Variants in CHORDC1 observed in about 807,000 individuals in gnomAD.
CHORDC1 encodes cysteine and histidine rich domain containing 1, also known as cysteine and histidine-rich domain-containing protein 1.
In CHORDC1, 25 loss-of-function variants were observed where a neutral mutation model predicts 48.3. That is an observed-to-expected ratio of 0.52 (90% CI 0.38 to 0.72). The LOEUF (loss-of-function observed/expected upper bound fraction) is 0.72. CHORDC1 is among the 30% of genes least tolerant of loss of function. The pLI is 0.00. For missense variants in CHORDC1, 317 were observed against 388.7 expected (o/e 0.82, Z 1.55); for synonymous variants, 128 against 126.4 (o/e 1.01, Z -0.09).
intron 2 of CHORDC1, among the ~76,000 whole-genome samples, chr11:90,216,933 G>T (rs553696947): frequency 6.6e-6 from 1 of 151,806 alleles, no homozygotes; most frequent in South Asian, 2.1e-4. Context: ...ACAGCATAGG[G>T]AAAAAAAGAA....
intron 2 of CHORDC1, chr11:90,217,895 C>CAA (rs71055891): frequency 1.7e-3 from 301 of 177,078 alleles, no homozygotes; most frequent in Middle Eastern, 3.9e-3. Flanking sequence ...AACTCCATCT[C>CAA]AAAAAAAAAA....
chr11:90,222,828 C>T, intron 1 of CHORDC1, 63 bp downstream of exon 1: 1 of 1,471,710 alleles, frequency 6.8e-7, no homozygotes, highest in African/African-American at 1.4e-5. Context: ...ACCCTCCGGC[C>T]CAAAGGGCCT....
intron 7 of CHORDC1, 22 bp downstream of exon 7, chr11:90,206,180 T>C (rs1857677206): frequency 7.5e-7 from 1 of 1,333,712 alleles, no homozygotes; most frequent in African/African-American, 1.4e-5. Flanking sequence ...TAAACTATTT[T>C]AATAAGTCAT....
chr11:90,206,221 C>T lies in CHORDC1; in HGVS notation c.544G>A (p.Val182Ile). 2 of 1,562,226 alleles carry T rather than the reference C, an allele frequency of 1.3e-6. No homozygotes were observed. The highest frequency in any genetic ancestry group is 1.8e-6 in the Non-Finnish European group (2 of 1,133,168). ...LEEVCVYHSG[V>I]PIFHEGMKYW... ...AGTTACCCCTCATGGAAAATAGGTA[C>T]TCCAGAATGATATACACAGACTTCT... is the stretch of plus-strand genomic sequence containing the variant. Residue 182 changes from valine (V) to isoleucine (I), a missense_variant, in exon 7 of 11, where the codon GTA (valine) becomes ATA (isoleucine). Transcript: ENST00000320585.
chr11:90,215,237 A>G lies in CHORDC1; in HGVS notation c.115-7T>C. 6.5e-7 allele frequency: 1 copy of G among 1,542,952 alleles called. No individual in the cohort carries two copies. Among genetic ancestry groups the G allele is most frequent in the Non-Finnish European group, 8.8e-7 (1 of 1,139,756 alleles). On this transcript the variant is annotated splice_region_variant and splice_polypyrimidine_tract_variant and intron_variant, in intron 2 of 10. Coordinates refer to ENST00000320585, the MANE Select transcript of CHORDC1 (RefSeq NM_012124.3). ...TCTTACAGCAAGACCAACCCTATGA[A>G]AAACAAGAGAAGGAAACTAAAAACT...
At chr11:90,211,878 A>AATTT (rs75327167) in intron 4 of CHORDC1, 92,516 of 151,866 alleles carry the variant, frequency 0.61, 29,788 homozygotes, top group South Asian at 0.75. Context: ...TTGTATACAT[A>AATTT]ATTTAAGTCC....
At chr11:90,218,482 C>CAA (rs1364896193) in intron 1 of CHORDC1, among the ~76,000 whole-genome samples, 1 of 152,162 alleles carries the variant, frequency 6.6e-6, no homozygotes, top group East Asian at 1.9e-4. Flanking sequence ...ACCAAAACTT[C>CAA]AAACCCCCAA....
intron 1 of CHORDC1, among the ~76,000 whole-genome samples, chr11:90,221,336 T>C (rs1378129193): frequency 2.0e-5 from 3 of 152,198 alleles, no homozygotes; most frequent in Non-Finnish European, 2.9e-5. Context: ...AAAAATGTAT[T>C]CTAAGTCTCT....
In CHORDC1 at chr11:90,218,963, A is replaced by G. The variant is rs565042400; in HGVS notation, c.65-779T>C. ...TTAAAGTTTACTTTTTAATTAAAAA[A>G]AAAAAAAAAAATAGAAGTCTAGGTG... On this transcript the variant is annotated intron_variant, in intron 1 of 10. Coordinates refer to ENST00000320585, the MANE Select transcript of CHORDC1 (RefSeq NM_012124.3). Among the ~76,000 whole-genome samples, 855 of 150,796 alleles carry G rather than the reference A, an allele frequency of 5.7e-3. 15 individuals carry two copies. The highest frequency in any genetic ancestry group is 0.013 in the East Asian group (68 of 5,148).
In CHORDC1 at chr11:90,203,431, T is replaced by G. The variant is rs755176692; in HGVS notation, c.670-4A>C. 1 of 1,541,838 alleles carries G rather than the reference T, an allele frequency of 6.5e-7. No individual in the cohort carries two copies. Among genetic ancestry groups the G allele is most frequent in the Non-Finnish European group, 8.9e-7 (1 of 1,129,494 alleles). Reference sequence around the variant, plus strand: ...TACATGGAACAACTTTTTTCCCCTGTAATGTAAGAGAAACTCTGTAAGTTA... The same window carrying G: ...TACATGGAACAACTTTTTTCCCCTGGAATGTAAGAGAAACTCTGTAAGTTA... On this transcript the variant is annotated splice_polypyrimidine_tract_variant and splice_region_variant and intron_variant, in intron 8 of 10. Coordinates refer to ENST00000320585, the MANE Select transcript of CHORDC1 (RefSeq NM_012124.3).
intron 1 of CHORDC1, 51 bp downstream of exon 1, chr11:90,222,840 C>G: frequency 6.5e-7 from 1 of 1,537,188 alleles, no homozygotes. Context: ...AAAGGGCCTC[C>G]CCTGCTGATG....
rs1423763429 is a variant in CHORDC1 at position 90,212,248 on chromosome 11, C to T, written c.330-930G>A. 5 of 151,442 alleles carry T rather than the reference C, an allele frequency of 3.3e-5. No homozygotes were observed. The East Asian group carries it at 9.8e-4, about 30-fold the overall frequency. The allele number at this position is 151,442 out of a possible 1,614,324, so 9.4% of individuals were successfully genotyped here. The stretch of plus-strand genomic sequence containing the variant: ...GGAGGTAACTGGATCATGGGGATGC[C>T]TTTTTCCCATGCTGTTCTCATGATA... On this transcript the variant is annotated intron_variant, in intron 4 of 10. Coordinates refer to ENST00000320585, the MANE Select transcript of CHORDC1 (RefSeq NM_012124.3).
chr11:90,218,198 A>AG lies in CHORDC1; in HGVS notation c.65-15dup, dbSNP rs889479008. ...ATGTGCAAGCATCTGGAGAAAACAG[A>AG]GAAAAAAAAAAAAGTACCACTCTTT... On this transcript the variant is annotated splice_polypyrimidine_tract_variant and intron_variant, in intron 1 of 10. Coordinates refer to ENST00000320585, the MANE Select transcript of CHORDC1 (RefSeq NM_012124.3). The AG allele has an allele frequency of 6.5e-7, 1 of 1,527,220 alleles. No homozygotes were observed. Among genetic ancestry groups the AG allele is most frequent in the Non-Finnish European group, 8.7e-7 (1 of 1,143,464 alleles). The allele number at this position is 1,527,220 out of a possible 1,614,324, so 94.6% of individuals were successfully genotyped here.
Position 90,201,213 on chromosome 11 carries a change from C to A in CHORDC1, c.*1192G>T, listed in dbSNP as rs1857536629. 1 of 151,820 alleles carries A rather than the reference C, an allele frequency of 6.6e-6. No individual in the cohort carries two copies. 9.4% of individuals were successfully genotyped at this position (151,820 alleles called of 1,614,324 possible). A position where few individuals can be genotyped will look rare whatever the true frequency, so the allele number is the denominator to read the frequency against. ...AGACTCAAGGGGTTTGGGAAATAAA[C>A]CCCTTTTAATTTTAAATCTACATAA... On this transcript the variant is annotated 3_prime_UTR_variant, in exon 11 of 11. Coordinates refer to ENST00000320585, the MANE Select transcript of CHORDC1 (RefSeq NM_012124.3).
chr11:90,206,013 T>C, intron 7 of CHORDC1, 189 bp downstream of exon 7: 2 of 590,110 alleles, frequency 3.4e-6, no homozygotes, highest in Non-Finnish European at 3.1e-6. Context: ...TGTAACCTTG[T>C]TTCTGTTTTC....
Position 90,200,811 on chromosome 11 carries a change from C to T in CHORDC1, c.*1594G>A, listed in dbSNP as rs993659149. On this transcript the variant is annotated 3_prime_UTR_variant, in exon 11 of 11. Coordinates refer to ENST00000320585, the MANE Select transcript of CHORDC1 (RefSeq NM_012124.3). ...AGTATGAACAAAAAGGGATATTAAT[C>T]ATTACCTTTAATCAAACTAATTATC... 1.3e-5 allele frequency among the ~76,000 whole-genome samples: 2 copies of T among 152,000 alleles called. No homozygotes were observed. Among genetic ancestry groups the T allele is most frequent in the Non-Finnish European group, 2.9e-5 (2 of 67,866 alleles).
At position 90,223,022 on chromosome 11, in the gene CHORDC1, C is replaced by T; in HGVS notation, c.-68G>A. The T allele has an allele frequency of 1.5e-6, 2 of 1,372,874 alleles. No individual in the cohort carries two copies. Among genetic ancestry groups the T allele is most frequent in the East Asian group, 2.3e-5 (1 of 43,294 alleles). The allele number at this position is 1,372,874 out of a possible 1,614,324, so 85.0% of individuals were successfully genotyped here. On this transcript the variant is annotated 5_prime_UTR_variant, in exon 1 of 11. Coordinates refer to ENST00000320585, the MANE Select transcript of CHORDC1 (RefSeq NM_012124.3). The stretch of plus-strand genomic sequence containing the variant: ...CGGCAAGAGGATGCGTTTGCCACTC[C>T]CGTGTCGCTAGCACCGGTCTGACGA...
chr11:90,211,146 TTC>T, intron 5 of CHORDC1, 67 bp downstream of exon 5: 1 of 1,069,418 alleles, frequency 9.4e-7, no homozygotes, highest in African/African-American at 1.6e-5. Flanking sequence ...TAAACTACTA[TTC>T]TCTCTTTTGG....
intron 5 of CHORDC1, 22 bp from the exon 6 acceptor site, chr11:90,210,616 C>T (rs1857833523): frequency 6.8e-7 from 1 of 1,470,950 alleles, no homozygotes; most frequent in Non-Finnish European, 9.4e-7. Flanking sequence ...AAAAAAAAAT[C>T]AAATTAAAAA....
Sources: allele counts gnomAD v4.1 joint callset (sites outside exome capture counted in the v4.1 genomes callset), GRCh38; gene constraint gnomAD v4.1.1; transcripts MANE v1.5; gene names NCBI Gene and HGNC (gene_info 2026-07-23, HGNC 2026-07-21).